The following KCTD16 variants were observed in gnomAD, a reference collection of about 807,000 sequenced individuals.
KCTD16 encodes BTB/POZ domain-containing protein KCTD16.
Under a neutral mutation model 33.2 loss-of-function variants are expected in KCTD16, and 13 were observed. The observed-to-expected ratio is 0.39, with a 90% CI of 0.25 to 0.62. The LOEUF is 0.62. Ranked by LOEUF, KCTD16 falls within the 20% of genes least tolerant of loss-of-function variation. The probability of loss-of-function intolerance (pLI) is 0.50; values close to 1 mark genes in which losing one functional copy is unlikely to be tolerated. For missense variants in KCTD16, 441 were observed against 525.1 expected (o/e 0.84, Z 1.57); for synonymous variants, 197 against 195.3 (o/e 1.01, Z -0.07).
chr5:144,418,830 T>A (rs1753144114), intron 3 of KCTD16, among the ~76,000 whole-genome samples: 1 of 152,144 alleles, frequency 6.6e-6, no homozygotes, highest in South Asian at 2.1e-4. Context: ...TCGAGTTGTA[T>A]CACAGTCCCA....
chr5:144,467,524 G>A (rs1754374633), intron 3 of KCTD16, among the ~76,000 whole-genome samples: 1 of 152,120 alleles, frequency 6.6e-6, no homozygotes, highest in African/African-American at 2.4e-5. Flanking sequence ...CAGACATTAA[G>A]CCAATAAACC....
At position 144,278,688 on chromosome 5, in the gene KCTD16, G is replaced by A. The variant is rs182618693; in HGVS notation, c.832+71142G>A. On this transcript the variant is annotated intron_variant, in intron 3 of 3. Transcript: ENST00000512467. ...AATTTTTTGTATTTTTAGTAGAGAC[G>A]GGGTTTCACCTTGTTAGCCAGGATG... 8.9e-3 allele frequency among the ~76,000 whole-genome samples: 1,341 copies of A among 151,426 alleles called. 24 individuals are homozygous for A. The highest frequency in any genetic ancestry group is 0.03 in the African/African-American group (1,248 of 41,326).
At chr5:144,410,194 G>C (rs1245444118) in intron 3 of KCTD16, among the ~76,000 whole-genome samples, 1 of 152,214 alleles carries the variant, frequency 6.6e-6, no homozygotes, top group Non-Finnish European at 1.5e-5. Context: ...GCAAAGAAAA[G>C]GGGAGGCTGT....
rs112408686 is a variant in KCTD16, at chr5:144,466,020, G to A, written c.833-7640G>A. 2.3e-3 allele frequency among the ~76,000 whole-genome samples: 349 copies of A among 151,912 alleles called. 1 individual carries two copies. The highest frequency in any genetic ancestry group is 8.1e-3 in the African/African-American group (334 of 41,448). On this transcript the variant is annotated intron_variant, in intron 3 of 3. Transcript: ENST00000512467. ...TGCCTGGCTAATTTTTGTATTTTTAGTAGAGACGGGATTTCACCATATTGG... is the reference window on the plus strand; with the variant it reads ...TGCCTGGCTAATTTTTGTATTTTTAATAGAGACGGGATTTCACCATATTGG...
At chr5:144,173,901 ATT>A (rs58804094) in intron 1 of KCTD16, among the ~76,000 whole-genome samples, 22,191 of 140,694 alleles carry the variant, frequency 0.16, 1,772 homozygotes, top group Admixed American at 0.25. Context: ...TTCTTTTTGG[ATT>A]TTTTTTTTTT....
At chr5:144,391,362 G>A (rs765594771) in intron 3 of KCTD16, among the ~76,000 whole-genome samples, 67 of 152,302 alleles carry the variant, frequency 4.4e-4, no homozygotes, top group Non-Finnish European at 8.4e-4. Flanking sequence ...TCTTTTGCCC[G>A]ATCAATTCCT....
intron 3 of KCTD16, among the ~76,000 whole-genome samples, chr5:144,388,637 T>C (rs1752384655): frequency 1.3e-5 from 2 of 152,204 alleles, no homozygotes; most frequent in Admixed American, 1.3e-4. Flanking sequence ...TAAGAAGGTC[T>C]CAATTCACAT....
chr5:144,471,959 TTGG>T (rs1409043490), intron 3 of KCTD16, among the ~76,000 whole-genome samples: 1 of 152,142 alleles, frequency 6.6e-6, no homozygotes, highest in Non-Finnish European at 1.5e-5. Context: ...TGGAGATAAG[TTGG>T]TATGTATGTT....
At chr5:144,260,632 A>G (rs1203549494) in intron 3 of KCTD16, among the ~76,000 whole-genome samples, 2 of 152,220 alleles carry the variant, frequency 1.3e-5, no homozygotes, top group African/African-American at 4.8e-5. Flanking sequence ...AAGAATTATA[A>G]GGTCCAAAAA....
At chr5:144,250,278 T>A (rs1274333452) in intron 3 of KCTD16, among the ~76,000 whole-genome samples, 3 of 152,176 alleles carry the variant, frequency 2.0e-5, no homozygotes, top group Non-Finnish European at 4.4e-5. Context: ...CCAGCAGAGC[T>A]GCACAGAAGG....
At chr5:144,180,847 T>C (rs1752606918) in intron 2 of KCTD16, among the ~76,000 whole-genome samples, 1 of 152,238 alleles carries the variant, frequency 6.6e-6, no homozygotes, top group African/African-American at 2.4e-5. Flanking sequence ...TCATGTGATA[T>C]TCTGAGGCAT....
chr5:144,359,424 G>C (rs1227423903), intron 3 of KCTD16, among the ~76,000 whole-genome samples: 1 of 152,106 alleles, frequency 6.6e-6, no homozygotes, highest in East Asian at 1.9e-4. Context: ...TAAAGTCACA[G>C]ACAGATTGAA....
intron 3 of KCTD16, among the ~76,000 whole-genome samples, chr5:144,421,047 G>T (rs769425039): frequency 3.5e-4 from 53 of 152,126 alleles, no homozygotes; most frequent in Non-Finnish European, 6.3e-4. Flanking sequence ...GTGGTTTTAA[G>T]CTTCACTTTG....
rs77727881 is a variant in KCTD16 at position 144,407,517 on chromosome 5, G to A, written c.833-66143G>A. 2.0e-5 allele frequency among the ~76,000 whole-genome samples: 3 copies of A among 151,724 alleles called. No homozygotes were observed. The East Asian group carries it at 5.8e-4, about 29-fold the overall frequency. On this transcript the variant is annotated intron_variant, in intron 3 of 3. Transcript: ENST00000512467. ...TAGTACCTGATAGATAGTTTTTCTT[G>A]TTTTCTTTTTTTAATTATGTTTTAT...
chr5:144,466,542 G>A (rs1754336366), intron 3 of KCTD16, among the ~76,000 whole-genome samples: 1 of 151,950 alleles, frequency 6.6e-6, no homozygotes, highest in Admixed American at 6.6e-5. Context: ...GGAATCACTG[G>A]GGCAGTCATG....
At chr5:144,300,427 G>A (rs1751400489) in intron 3 of KCTD16, among the ~76,000 whole-genome samples, 1 of 152,180 alleles carries the variant, frequency 6.6e-6, no homozygotes, top group Non-Finnish European at 1.5e-5. Flanking sequence ...CTTACCAGCT[G>A]TACCATTTAA....
chr5:144,302,112 T>C (rs1751458233), intron 3 of KCTD16, among the ~76,000 whole-genome samples: 2 of 152,122 alleles, frequency 1.3e-5, no homozygotes, highest in Admixed American at 1.3e-4. Flanking sequence ...CAAGAGCAAA[T>C]AGCTAGAGGC....
chr5:144,335,462 T>C lies in KCTD16; in HGVS notation c.832+127916T>C, dbSNP rs1388968982. ...TTGTTCAATGACCATATATTGGAAG[T>C]CTACTATGAGAAAGATGCAAGGGGT... On this transcript the variant is annotated intron_variant, in intron 3 of 3. Coordinates refer to ENST00000512467, the MANE Select transcript of KCTD16 (RefSeq NM_020768.4). Among the ~76,000 whole-genome samples, 6 of 152,144 alleles carry C rather than the reference T, an allele frequency of 3.9e-5. 1 individual carries two copies. Among genetic ancestry groups the C allele is most frequent in the Admixed American group, 3.9e-4 (6 of 15,264 alleles).
rs935233569 is a variant in KCTD16, at chr5:144,474,204, A to T, written c.*90A>T. 1.3e-5 allele frequency: 13 copies of T among 977,082 alleles called. No individual in the cohort carries two copies. The African/African-American group carries it at 2.1e-4, about 16-fold the overall frequency. The allele number at this position is 977,082 out of a possible 1,614,324, so 60.5% of individuals were successfully genotyped here. ...TCATATTTTAAAGGAAAAAAATACA[A>T]CTAATGATGCACATTTCTTAGAACA... On this transcript the variant is annotated 3_prime_UTR_variant, in exon 4 of 4. Transcript: ENST00000512467.
Sources: gnomAD v4.1 joint callset for allele counts (sites outside exome capture counted in the v4.1 genomes callset) on GRCh38, gnomAD v4.1.1 for gene constraint, MANE v1.5 for transcripts, NCBI Gene and HGNC (gene_info 2026-07-23, HGNC 2026-07-21) for gene names.